SNX16: variants seen among roughly 807,000 people sequenced by gnomAD.
The protein encoded by SNX16 is sorting nexin 16, also known as sorting nexin-16.
SNX16 carries 35 observed loss-of-function variants against 36.7 expected under a neutral mutation model. That is an observed-to-expected ratio of 0.95 (90% CI 0.73 to 1.27). The LOEUF is 1.27. Among genes scored for constraint, SNX16 ranks in the 50% most tolerant of loss-of-function variants. The pLI, the probability that SNX16 is intolerant of heterozygous loss-of-function variation, is 0.00. For missense variants in SNX16, 367 were observed against 393.6 expected (o/e 0.93, Z 0.57); for synonymous variants, 134 against 132.0 (o/e 1.02, Z -0.10).
intron 3 of SNX16, among the ~76,000 whole-genome samples, chr8:81,825,533 T>C (rs888237305): frequency 6.6e-6 from 1 of 152,150 alleles, no homozygotes; most frequent in Admixed American, 6.5e-5. Flanking sequence ...GTAATTAAGA[T>C]TGAGAACCAT....
chr8:81,805,269 A>C (rs1179409858), intron 5 of SNX16, among the ~76,000 whole-genome samples: 1 of 152,146 alleles, frequency 6.6e-6, no homozygotes, highest in African/African-American at 2.4e-5. Context: ...GAGAATTCTA[A>C]ATTTATGGAG....
At chr8:81,808,412 C>T (rs749577464) in intron 5 of SNX16, 98 of 1,224,658 alleles carry the variant, frequency 8.0e-5, no homozygotes, top group Non-Finnish European at 1.1e-4. Flanking sequence ...GTGGGAATGA[C>T]AACTTTGGTT....
intron 4 of SNX16, among the ~76,000 whole-genome samples, chr8:81,816,204 G>C (rs1810482898): frequency 7.6e-6 from 1 of 131,846 alleles, no homozygotes; most frequent in Admixed American, 8.3e-5. Flanking sequence ...TTTAAGACGA[G>C]TCTCGCTCTT....
chr8:81,808,505 G>T, intron 5 of SNX16: 4 of 970,932 alleles, frequency 4.1e-6, no homozygotes, highest in South Asian at 1.3e-5. Flanking sequence ...ATGGCTATAA[G>T]GGATTTGGTA....
intron 5 of SNX16, chr8:81,808,466 T>C (rs1810071977): frequency 3.0e-6 from 3 of 994,262 alleles, no homozygotes; most frequent in Non-Finnish European, 4.8e-6. Context: ...CTGACAGCTG[T>C]GGTGGTGGGG....
In SNX16 at chr8:81,840,091, GA is replaced by G; in HGVS notation, c.-96-10del. 2 of 1,324,794 alleles carry G rather than the reference GA, an allele frequency of 1.5e-6. No individual in the cohort carries two copies. The highest frequency in any genetic ancestry group is 1.5e-5 in the South Asian group (1 of 65,884). The allele number at this position is 1,324,794 out of a possible 1,614,324, so 82.1% of individuals were successfully genotyped here. On this transcript the variant is annotated splice_polypyrimidine_tract_variant and intron_variant, in intron 1 of 7. Coordinates refer to ENST00000345957, the MANE Select transcript of SNX16 (RefSeq NM_152836.3). ...TCTTAGGAATTCACTATCTAAAAAT[GA>G]AAAGGACATATTAAAAGGTTAGTCT...
At chr8:81,806,192 T>C (rs536182228) in intron 5 of SNX16, among the ~76,000 whole-genome samples, 27 of 152,296 alleles carry the variant, frequency 1.8e-4, no homozygotes, top group African/African-American at 5.5e-4. Flanking sequence ...AGAGGGACTA[T>C]TCCTTATTTT....
At chr8:81,838,444 A>T (rs1338307299) in intron 2 of SNX16, among the ~76,000 whole-genome samples, 2 of 152,126 alleles carry the variant, frequency 1.3e-5, no homozygotes, top group Non-Finnish European at 2.9e-5. Context: ...TTAGTAAAGG[A>T]TGAAAAAATA....
intron 2 of SNX16, among the ~76,000 whole-genome samples, chr8:81,833,105 T>G (rs1360683336): frequency 1.3e-5 from 2 of 151,860 alleles, no homozygotes; most frequent in African/African-American, 4.8e-5. Flanking sequence ...AACTACATGT[T>G]AAAATGATAA....
rs1809704141 is a variant in SNX16, at chr8:81,801,721, TTAATG to T, written c.939-133_939-129del. 10 of 528,502 alleles carry T rather than the reference TTAATG, an allele frequency of 1.9e-5. No homozygotes were observed. In the South Asian group the frequency reaches 3.2e-4, roughly 17 times the overall value. 32.7% of individuals were successfully genotyped at this position (528,502 alleles called of 1,614,324 possible). A position where few individuals can be genotyped will look rare whatever the true frequency, so the allele number is the denominator to read the frequency against. ...ATTTACATACTTAGTGTAAAAGTAT[TTAATG>T]TAAGAGTATTTAAACATTCAATCAG... On this transcript the variant is annotated intron_variant, in intron 7 of 7. Transcript: ENST00000345957.
chr8:81,801,447 C>T lies in SNX16; in HGVS notation c.*50G>A. On this transcript the variant is annotated 3_prime_UTR_variant, in exon 8 of 8. Coordinates refer to ENST00000345957, the MANE Select transcript of SNX16 (RefSeq NM_152836.3). Reference sequence around the variant, plus strand: ...TCTTCTTTTAAAATAGTATTTGCCACTCTTCTAAATTTTTGAATAGTCTAA... The same window carrying T: ...TCTTCTTTTAAAATAGTATTTGCCATTCTTCTAAATTTTTGAATAGTCTAA... 2 of 1,076,362 alleles carry T rather than the reference C, an allele frequency of 1.9e-6. No individual in the cohort carries two copies. The highest frequency in any genetic ancestry group is 2.5e-5 in the East Asian group (1 of 39,754). 66.7% of individuals were successfully genotyped at this position (1,076,362 alleles called of 1,614,324 possible).
intron 5 of SNX16, among the ~76,000 whole-genome samples, chr8:81,809,668 A>G (rs1033262009): frequency 6.6e-6 from 1 of 152,244 alleles, no homozygotes. Flanking sequence ...ACAAAAATTA[A>G]AAGATTGACA....
chr8:81,803,483 T>C (rs571973249), intron 5 of SNX16, among the ~76,000 whole-genome samples: 1 of 152,124 alleles, frequency 6.6e-6, no homozygotes, highest in South Asian at 2.1e-4. Context: ...TAAGCTAGTG[T>C]GCCTGAAGTG....
At chr8:81,816,810 G>A (rs1563440134) in intron 4 of SNX16, among the ~76,000 whole-genome samples, 1 of 152,136 alleles carries the variant, frequency 6.6e-6, no homozygotes, top group Non-Finnish European at 1.5e-5. Flanking sequence ...TCTGTTCCCT[G>A]AGTGTGAATA....
chr8:81,821,380 A>C lies in SNX16; in HGVS notation c.611+2412T>G, dbSNP rs1200888283. 1.2e-4 allele frequency among the ~76,000 whole-genome samples: 19 copies of C among 152,006 alleles called. No individual in the cohort carries two copies. In the East Asian group the frequency reaches 3.7e-3, roughly 29 times the overall value. ...AGAATTCATTTATAGAATACATTTG[A>C]TTTTAATTCACCATAATATTTTAAA... On this transcript the variant is annotated intron_variant, in intron 4 of 7. Coordinates refer to ENST00000345957, the MANE Select transcript of SNX16 (RefSeq NM_152836.3).
intron 4 of SNX16, among the ~76,000 whole-genome samples, chr8:81,821,773 G>A (rs1263606126): frequency 4.6e-5 from 7 of 151,898 alleles, no homozygotes; most frequent in Non-Finnish European, 1.5e-5. Flanking sequence ...AGTACTTATT[G>A]AGAACCAACT....
Position 81,801,317 on chromosome 8 carries a change from C to A in SNX16, c.*180G>T. 1 of 410,486 alleles carries A rather than the reference C, an allele frequency of 2.4e-6. No homozygotes were observed. 25.4% of individuals were successfully genotyped at this position (410,486 alleles called of 1,614,324 possible). A position where few individuals can be genotyped will look rare whatever the true frequency, so the allele number is the denominator to read the frequency against. On this transcript the variant is annotated 3_prime_UTR_variant, in exon 8 of 8. Coordinates refer to ENST00000345957, the MANE Select transcript of SNX16 (RefSeq NM_152836.3). The stretch of plus-strand genomic sequence containing the variant: ...TAATTGGATAAAATACAATTAAAAG[C>A]AGCAGTGAATATATTTCCTATCTCA...
chr8:81,835,480 T>G (rs1563455768), intron 2 of SNX16, among the ~76,000 whole-genome samples: 1 of 152,224 alleles, frequency 6.6e-6, no homozygotes, highest in Non-Finnish European at 1.5e-5. Flanking sequence ...CTGCAAATTT[T>G]CCAAACTTTT....
chr8:81,811,535 C>T, intron 5 of SNX16, among the ~76,000 whole-genome samples: 1 of 151,948 alleles, frequency 6.6e-6, no homozygotes, highest in East Asian at 1.9e-4. Context: ...GAACATTAAG[C>T]TATGCAGAAA....
Sources: gnomAD v4.1 joint callset for allele counts (sites outside exome capture counted in the v4.1 genomes callset) on GRCh38, gnomAD v4.1.1 for gene constraint, MANE v1.5 for transcripts, NCBI Gene and HGNC (gene_info 2026-07-23, HGNC 2026-07-21) for gene names.